Variants in VCL observed in about 807,000 individuals in gnomAD.
The protein encoded by VCL is epididymis luminal protein 114.
Under a neutral mutation model 125.7 loss-of-function variants are expected in VCL, and 47 were observed. The ratio of observed to expected loss-of-function variants is 0.37; its 90% CI spans 0.30 to 0.48. The LOEUF (loss-of-function observed/expected upper bound fraction) is 0.48. Among genes scored for constraint, VCL ranks in the 20% least tolerant of loss-of-function variants. VCL has a pLI of 0.99. For synonymous variants in VCL, 458 were observed against 514.6 expected, an observed-to-expected ratio of 0.89 and a Z score of 1.49; for missense variants, 1,069 against 1,455.5, an observed-to-expected ratio of 0.73 and a Z score of 4.32.
At chr10:74,079,702 AT>A (rs1308134517) in intron 6 of VCL, among the ~76,000 whole-genome samples, 2 of 152,200 alleles carry the variant, frequency 1.3e-5, no homozygotes, top group Non-Finnish European at 2.9e-5. Context: ...AGAAATATAT[AT>A]GAAAGTCTTA....
intron 13 of VCL, among the ~76,000 whole-genome samples, chr10:74,099,922 G>A (rs1217652656): frequency 6.6e-6 from 1 of 152,146 alleles, no homozygotes; most frequent in Non-Finnish European, 1.5e-5. Context: ...CAGAACACTG[G>A]CAATGATTTG....
chr10:74,016,023 G>T (rs183440817), intron 1 of VCL, among the ~76,000 whole-genome samples: 31 of 151,910 alleles, frequency 2.0e-4, no homozygotes, highest in Admixed American at 1.6e-3. Context: ...AAATAATGGG[G>T]TCTCCCTGTG....
At chr10:74,073,782 G>A (rs1258759738) in intron 5 of VCL, among the ~76,000 whole-genome samples, 1 of 152,158 alleles carries the variant, frequency 6.6e-6, no homozygotes, top group East Asian at 1.9e-4. Context: ...ACAGCTCATG[G>A]TTTATATGAA....
At position 74,014,550 on chromosome 10, in the gene VCL, TA is replaced by T. The variant is rs76911010; in HGVS notation, c.168+16190del. On this transcript the variant is annotated intron_variant, in intron 1 of 21. Coordinates refer to ENST00000211998, the MANE Select transcript of VCL (RefSeq NM_014000.3). ...ATGCCCGGCCAGTGTCCTATTTTCTTAAAAAAAAAAAAAAAGAAAAAAAGCA... is the reference window on the plus strand; with the variant it reads ...ATGCCCGGCCAGTGTCCTATTTTCTTAAAAAAAAAAAAAAGAAAAAAAGCA... Among the ~76,000 whole-genome samples, 965 of 126,484 alleles carry T rather than the reference TA, an allele frequency of 7.6e-3. 8 individuals are homozygous for T. The highest frequency in any genetic ancestry group is 9.8e-3 in the Non-Finnish European group (577 of 59,090). The allele number at this position is 126,484 out of a possible 152,430, so 83.0% of individuals were successfully genotyped here. A position where few individuals can be genotyped will look rare whatever the true frequency, so the allele number is the denominator to read the frequency against.
At position 74,065,564 on chromosome 10, in the gene VCL, G is replaced by C. The variant is rs1270980910; in HGVS notation, c.240-5106G>C. On this transcript the variant is annotated intron_variant, in intron 2 of 21. Transcript: ENST00000211998. ...TAATTAGCTGGGTATGATGGTCTGT[G>C]CCTGTAGTCCCAGCTACTTGAGAGG... 2.0e-5 allele frequency among the ~76,000 whole-genome samples: 3 copies of C among 151,962 alleles called. No homozygotes were observed. The East Asian group carries it at 5.8e-4, about 29-fold the overall frequency.
At chr10:74,048,382 C>T (rs1387506754) in intron 2 of VCL, among the ~76,000 whole-genome samples, 1 of 150,870 alleles carries the variant, frequency 6.6e-6, no homozygotes, top group Non-Finnish European at 1.5e-5. Context: ...GTAGGAGAAT[C>T]ACTTGAACCC....
At chr10:74,063,086 G>T (rs1841505620) in intron 2 of VCL, among the ~76,000 whole-genome samples, 1 of 151,964 alleles carries the variant, frequency 6.6e-6, no homozygotes, top group Non-Finnish European at 1.5e-5. Flanking sequence ...AGAAGACAGG[G>T]TCTCCCTGAG....
chr10:74,007,895 T>A (rs570368555), intron 1 of VCL, among the ~76,000 whole-genome samples: 1 of 150,632 alleles, frequency 6.6e-6, no homozygotes, highest in Admixed American at 6.6e-5. Flanking sequence ...CTCTGCCTCC[T>A]GGGTTCAAGT....
intron 7 of VCL, among the ~76,000 whole-genome samples, chr10:74,083,125 A>G (rs1839704972): frequency 6.6e-6 from 1 of 152,194 alleles, no homozygotes; most frequent in Non-Finnish European, 1.5e-5. Flanking sequence ...TCTTACCACA[A>G]GCTACTTAGT....
chr10:74,095,507 T>C, intron 11 of VCL, 149 bp from the exon 12 acceptor site: 1 of 905,980 alleles, frequency 1.1e-6, no homozygotes, highest in Non-Finnish European at 1.7e-6. Context: ...GAGGGATTGC[T>C]TGAGCCGGCA....
chr10:74,089,327 C>A lies in VCL; in HGVS notation c.1154C>A (p.Ala385Glu). 3.1e-6 allele frequency: 5 copies of A among 1,613,196 alleles called. No individual in the cohort carries two copies. Among genetic ancestry groups the A allele is most frequent in the Non-Finnish European group, 4.2e-6 (5 of 1,179,512 alleles). ...EAMTNSKQSI[A>E]KKIDAAQNWL... Reference sequence around the variant, plus strand: ...ATGACCAACTCAAAGCAGAGCATTGCAAAGAAGATCGATGCTGCTCAGGTA... The same window carrying A: ...ATGACCAACTCAAAGCAGAGCATTGAAAAGAAGATCGATGCTGCTCAGGTA... The change falls in exon 9 of 22, where the codon GCA becomes GAA. Residue 385 changes from alanine (A) to glutamate (E), a missense_variant. Ala to Glu is a moderately radical substitution (Grantham distance 107, BLOSUM62 -1). Around this residue, in one of 6 missense-constraint regions of VCL, gnomAD observed 760 missense variants for 928.9 expected, o/e 0.82. Transcript: ENST00000211998.
At chr10:74,074,636 A>G (rs1839551955) in intron 5 of VCL, 107 bp from the exon 6 acceptor site, 7 of 1,258,242 alleles carry the variant, frequency 5.6e-6, no homozygotes, top group African/African-American at 1.5e-5. Context: ...TACTCATTTT[A>G]GGATCTTAAA....
rs189099364 is a variant in VCL, at chr10:74,027,441, A to T, written c.169-15642A>T. 6.2e-3 allele frequency among the ~76,000 whole-genome samples: 938 copies of T among 151,738 alleles called. 11 individuals carry two copies. Among genetic ancestry groups the T allele is most frequent in the African/African-American group, 0.021 (864 of 41,388 alleles). On this transcript the variant is annotated intron_variant, in intron 1 of 21. Coordinates refer to ENST00000211998, the MANE Select transcript of VCL (RefSeq NM_014000.3). ...TTTGGGAGGCCGAGGTAGGTGAATCATTTGAGGTCAGGAGTTCAAGACTAG... is the reference window on the plus strand; with the variant it reads ...TTTGGGAGGCCGAGGTAGGTGAATCTTTTGAGGTCAGGAGTTCAAGACTAG...
At chr10:74,088,020 A>G (rs1018040533) in intron 8 of VCL, among the ~76,000 whole-genome samples, 1 of 152,180 alleles carries the variant, frequency 6.6e-6, no homozygotes, top group African/African-American at 2.4e-5. Flanking sequence ...AAAAAAACCC[A>G]CAGAGGCTAG....
chr10:74,006,657 A>G (rs1029673715), intron 1 of VCL, among the ~76,000 whole-genome samples: 12 of 152,240 alleles, frequency 7.9e-5, no homozygotes, highest in Admixed American at 6.5e-4. Context: ...AAAATTCCAC[A>G]TCTGACCTCA....
chr10:73,998,622 TGTC>T (rs2136218566), intron 1 of VCL, among the ~76,000 whole-genome samples: 1 of 152,344 alleles, frequency 6.6e-6, no homozygotes, highest in African/African-American at 2.4e-5. Flanking sequence ...CTTGCGGGCT[TGTC>T]GTGAAGATAT....
intron 2 of VCL, among the ~76,000 whole-genome samples, chr10:74,053,986 T>G (rs970476048): frequency 6.6e-6 from 1 of 152,178 alleles, no homozygotes; most frequent in Middle Eastern, 3.2e-3. Flanking sequence ...TTTGTTATAT[T>G]TCTAATATAA....
intron 6 of VCL, chr10:74,076,125 TTGCCC>T (rs1473549675): frequency 6.5e-6 from 1 of 152,682 alleles, no homozygotes; most frequent in Non-Finnish European, 1.5e-5. Context: ...AAGCTTTCTC[TTGCCC>T]TCTAGTTTCT....
At chr10:74,112,173 G>A (rs1393869327) in intron 19 of VCL, 61 bp downstream of exon 19, 2 of 1,588,644 alleles carry the variant, frequency 1.3e-6, no homozygotes, top group East Asian at 4.5e-5. Flanking sequence ...GTGCAGCCTT[G>A]ACACATTGCA....
Sources: gnomAD v4.1 joint callset for allele counts (sites outside exome capture counted in the v4.1 genomes callset) on GRCh38, gnomAD v4.1.1 for gene constraint, gnomAD v4.1.1 regional missense constraint, MANE v1.5 for transcripts, NCBI Gene and HGNC (gene_info 2026-07-23, HGNC 2026-07-21) for gene names.